The following SNTG2 variants were observed in gnomAD, a reference collection of about 807,000 sequenced individuals.
SNTG2 encodes the protein syntrophin gamma 2.
A neutral mutation model predicts 70.9 loss-of-function variants in SNTG2; 74 were observed. The ratio of observed to expected loss-of-function variants is 1.04; its 90% confidence interval spans 0.86 to 1.27. SNTG2 has a LOEUF of 1.27. SNTG2 is among the 50% of genes most tolerant of loss of function. The pLI is 0.00. For synonymous variants in SNTG2, 278 were observed against 273.8 expected (o/e 1.02, Z -0.15); for missense variants, 717 against 690.7 (o/e 1.04, Z -0.43).
chr2:1,175,301 A>G (rs1412642810), intron 8 of SNTG2, among the ~76,000 whole-genome samples: 3 of 152,222 alleles, frequency 2.0e-5, no homozygotes, highest in Non-Finnish European at 4.4e-5. Context: ...CTATTGGTCA[A>G]TATCAATGGC....
intron 4 of SNTG2, among the ~76,000 whole-genome samples, chr2:1,134,275 C>G (rs903717569): frequency 2.0e-5 from 3 of 152,144 alleles, no homozygotes; most frequent in Non-Finnish European, 4.4e-5. Flanking sequence ...CCACTGGTGG[C>G]GCCGGGATCC....
chr2:1,223,610 A>G (rs571519260), intron 9 of SNTG2, among the ~76,000 whole-genome samples: 1 of 152,334 alleles, frequency 6.6e-6, no homozygotes, highest in East Asian at 1.9e-4. Context: ...AAAGTCACTG[A>G]GTTTTCCTGA....
chr2:1,005,718 T>C (rs1659541572), intron 1 of SNTG2, among the ~76,000 whole-genome samples: 1 of 149,538 alleles, frequency 6.7e-6, no homozygotes, highest in Non-Finnish European at 1.5e-5. Flanking sequence ...GCAGGGGAAT[T>C]GCTTGAAGCT....
chr2:1,232,602 A>G (rs1372643200), intron 9 of SNTG2, among the ~76,000 whole-genome samples: 4 of 152,190 alleles, frequency 2.6e-5, no homozygotes. Flanking sequence ...CCAGCCCACC[A>G]TGACTTTTTA....
intron 1 of SNTG2, among the ~76,000 whole-genome samples, chr2:1,055,149 G>A (rs1241483898): frequency 6.6e-6 from 1 of 152,212 alleles, no homozygotes; most frequent in Non-Finnish European, 1.5e-5. Context: ...TGTAGACGTG[G>A]CCCTGACTGC....
chr2:1,318,646 G>A (rs970396110), intron 16 of SNTG2, among the ~76,000 whole-genome samples: 2 of 152,242 alleles, frequency 1.3e-5, no homozygotes, highest in Non-Finnish European at 2.9e-5. Flanking sequence ...GTGGGAACGC[G>A]GAGAGAGAGG....
intron 8 of SNTG2, among the ~76,000 whole-genome samples, chr2:1,180,367 A>G (rs1671792516): frequency 7.4e-6 from 1 of 134,310 alleles, no homozygotes; most frequent in Non-Finnish European, 1.6e-5. Flanking sequence ...AAACAAATTT[A>G]CAAGAAAAAA....
At chr2:1,322,144 A>G (rs551670015) in intron 16 of SNTG2, among the ~76,000 whole-genome samples, 2 of 152,338 alleles carry the variant, frequency 1.3e-5, no homozygotes, top group Admixed American at 6.5e-5. Context: ...ACAAAAAAAT[A>G]TAGTTGAATC....
intron 14 of SNTG2, among the ~76,000 whole-genome samples, chr2:1,280,884 C>G (rs1342915313): frequency 2.0e-5 from 3 of 152,184 alleles, no homozygotes; most frequent in African/African-American, 7.2e-5. Flanking sequence ...CCGATAATTA[C>G]TAGTTTGCAT....
chr2:1,245,288 AAAAG>A (rs1013953662), intron 11 of SNTG2, among the ~76,000 whole-genome samples: 3 of 152,156 alleles, frequency 2.0e-5, no homozygotes, highest in Non-Finnish European at 4.4e-5. Context: ...AAGGAAAAAA[AAAAG>A]AAATAAGTCC....
At chr2:1,085,777 C>T (rs992462584) in intron 2 of SNTG2, among the ~76,000 whole-genome samples, 1 of 152,228 alleles carries the variant, frequency 6.6e-6, no homozygotes, top group Non-Finnish European at 1.5e-5. Flanking sequence ...TGTGGGCTTT[C>T]AGGACGGGAG....
At chr2:1,036,724 ATCC>A (rs1661149194) in intron 1 of SNTG2, among the ~76,000 whole-genome samples, 1 of 136,086 alleles carries the variant, frequency 7.3e-6, no homozygotes, top group Non-Finnish European at 1.7e-5. Context: ...TTTCCAGCTG[ATCC>A]CCCAATTGTG....
chr2:1,202,502 G>C (rs902793202), intron 8 of SNTG2, among the ~76,000 whole-genome samples: 4 of 152,012 alleles, frequency 2.6e-5, no homozygotes, highest in African/African-American at 9.7e-5. Context: ...AGAAGAATTT[G>C]TTCAACAGAG....
chr2:1,314,517 C>T (rs1320205981), intron 15 of SNTG2, among the ~76,000 whole-genome samples: 4 of 152,292 alleles, frequency 2.6e-5, no homozygotes, highest in Admixed American at 2.0e-4. Context: ...AGGAGTGGCT[C>T]GGGCAGCTCC....
chr2:1,072,963 C>T (rs7598015), intron 1 of SNTG2, among the ~76,000 whole-genome samples: 124,458 of 152,236 alleles, frequency 0.82, 50,934 homozygotes, highest in Admixed American at 0.89. Context: ...TAGAATTAGA[C>T]GCAGAGCCTG....
At chr2:1,197,523 G>GTATATATATGTATATATATA (rs1553353460) in intron 8 of SNTG2, among the ~76,000 whole-genome samples, 3 of 97,600 alleles carry the variant, frequency 3.1e-5, no homozygotes, top group African/African-American at 1.1e-4. Context: ...ATATGTGTGT[G>GTATATATATGTATATATATA]TGTGTGTGTG....
chr2:987,520 G>A (rs1355385671), intron 1 of SNTG2, among the ~76,000 whole-genome samples: 4 of 151,994 alleles, frequency 2.6e-5, no homozygotes, highest in African/African-American at 7.3e-5. Context: ...AGAGGTTCGC[G>A]GTTAAGTGCC....
Position 1,231,679 on chromosome 2 carries a change from T to A in SNTG2, c.720-6209T>A, listed in dbSNP as rs953782003. 3.3e-5 allele frequency among the ~76,000 whole-genome samples: 5 copies of A among 152,220 alleles called. No homozygotes were observed. The East Asian group carries it at 9.7e-4, about 29-fold the overall frequency. ...CCAGTGGTGTGAGCCCATTGTCAGA[T>A]GAGGGAACCCCACAGCGTGGCTGAG... is the stretch of plus-strand genomic sequence containing the variant. On this transcript the variant is annotated intron_variant, in intron 9 of 16. Transcript: ENST00000308624.
chr2:977,677 C>T (rs1484715178), intron 1 of SNTG2, among the ~76,000 whole-genome samples: 1 of 152,172 alleles, frequency 6.6e-6, no homozygotes, highest in Non-Finnish European at 1.5e-5. Context: ...TCGACAGCTA[C>T]TCATTGCTTC....
Sources: allele counts gnomAD v4.1 joint callset (sites outside exome capture counted in the v4.1 genomes callset), GRCh38; gene constraint gnomAD v4.1.1; transcripts MANE v1.5; gene names NCBI Gene and HGNC (gene_info 2026-07-23, HGNC 2026-07-21).